Variants in SEPHS1 observed in about 807,000 individuals in gnomAD.
SEPHS1 encodes the protein selenophosphate synthetase 1, also known as zincore component SEPHS1.
SEPHS1 carries 7 observed loss-of-function variants against 39.2 expected under a neutral mutation model. That is an observed-to-expected ratio of 0.18 (90% confidence interval 0.10 to 0.34). The LOEUF is 0.34. Ranked by LOEUF, SEPHS1 falls within the 10% of genes least tolerant of loss-of-function variation. The pLI, the probability that SEPHS1 is intolerant of heterozygous loss-of-function variation, is 1.00. For missense variants in SEPHS1, 253 were observed against 514.5 expected (o/e 0.49, Z 4.92); for synonymous variants, 190 against 195.5 (o/e 0.97, Z 0.23).
At chr10:13,347,892 G>A (rs1485119573) in intron 1 of SEPHS1, 108 bp downstream of exon 1, 3 of 145,900 alleles carry the variant, frequency 2.1e-5, no homozygotes, top group Non-Finnish European at 4.6e-5. Context: ...CGGCTCCCCG[G>A]CGGTCCCGGG....
At chr10:13,336,107 TG>T (rs1588543914) in intron 4 of SEPHS1, 135 bp downstream of exon 4, 1 of 547,008 alleles carries the variant, frequency 1.8e-6, no homozygotes. Context: ...TGCCAAAAAG[TG>T]GAGAGCCAGA....
At chr10:13,346,206 C>T (rs1833916999) in intron 1 of SEPHS1, among the ~76,000 whole-genome samples, 1 of 152,224 alleles carries the variant, frequency 6.6e-6, no homozygotes, top group African/African-American at 2.4e-5. Context: ...AGCACTCCTA[C>T]GTTTTTTAGC....
Position 13,319,183 on chromosome 10 carries a change from C to A in SEPHS1, c.1138G>T (p.Ala380Ser), listed in dbSNP as rs1387669773. 2 of 1,613,440 alleles carry A rather than the reference C, an allele frequency of 1.2e-6. No homozygotes were observed. Among genetic ancestry groups the A allele is most frequent in the Admixed American group, 3.3e-5 (2 of 59,876 alleles). ...GGTGTGGGATTCACATTTTGAGTGG[C>A]CACTTGTGGTGCGACCTCGATGATC... ...PRIIEVAPQV[A>S]TQNVNPTPGA... Residue 380 changes from alanine (A) to serine (S), a missense_variant, in exon 9 of 9, where the codon GCC becomes TCC. Ala to Ser is a moderately conservative substitution (Grantham distance 99). This residue lies in a region of SEPHS1 where 19 missense variants were observed against 26.1 expected (regional missense o/e 0.73). Transcript: ENST00000327347.
At chr10:13,320,004 T>A (rs185561727) in intron 8 of SEPHS1, among the ~76,000 whole-genome samples, 1 of 152,304 alleles carries the variant, frequency 6.6e-6, no homozygotes. Context: ...ATTCTCTACA[T>A]CGACTCTCTC....
At chr10:13,331,505 C>G (rs746417885) in intron 5 of SEPHS1, among the ~76,000 whole-genome samples, 1 of 152,136 alleles carries the variant, frequency 6.6e-6, no homozygotes, top group Non-Finnish European at 1.5e-5. Context: ...CCTCAGTCTC[C>G]TGAGTAGCTG....
chr10:13,335,130 G>A (rs1437682210), intron 4 of SEPHS1, among the ~76,000 whole-genome samples: 1 of 152,222 alleles, frequency 6.6e-6, no homozygotes, highest in Non-Finnish European at 1.5e-5. Flanking sequence ...ACAAGTACCT[G>A]TCTATCTAAA....
In SEPHS1 at chr10:13,348,254, C is replaced by T. The variant is rs1475814701; in HGVS notation, c.-333G>A. 1 of 149,702 alleles carries T rather than the reference C, an allele frequency of 6.7e-6. No individual in the cohort carries two copies. The highest frequency in any genetic ancestry group is 2.4e-5 in the African/African-American group (1 of 40,908). 9.3% of individuals were successfully genotyped at this position (149,702 alleles called of 1,614,324 possible). ...GGGGGTCCTTTAAGGCCGGCCACCT[C>T]CCTTTAAGAGGCGGCCCTGGCTGCT... On this transcript the variant is annotated 5_prime_UTR_variant, in exon 1 of 9. Transcript: ENST00000327347.
chr10:13,323,403 G>A (rs964569799), intron 7 of SEPHS1, among the ~76,000 whole-genome samples: 3 of 152,068 alleles, frequency 2.0e-5, no homozygotes, highest in African/African-American at 7.2e-5. Context: ...CATCCAGGCT[G>A]GGGTGCAGTC....
rs1833473582 is a variant in SEPHS1, at chr10:13,331,620, T to A, written c.561-1832A>T. On this transcript the variant is annotated intron_variant, in intron 5 of 8. Coordinates refer to ENST00000327347, the MANE Select transcript of SEPHS1 (RefSeq NM_012247.5). ...GTGGTCTTGAACTCCTGACCTCAGA[T>A]GATCCACCCGTCTTGGCTTCCCAAA... Among the ~76,000 whole-genome samples the A allele has an allele frequency of 2.6e-5, 4 of 152,186 alleles. No homozygotes were observed. In the South Asian group the frequency reaches 8.3e-4, roughly 31 times the overall value.
At chr10:13,319,444 TCAA>T in intron 8 of SEPHS1, 88 bp from the exon 9 acceptor site, 1 of 1,377,158 alleles carries the variant, frequency 7.3e-7, no homozygotes, top group Non-Finnish European at 1.0e-6. Flanking sequence ...CCAACTTCCA[TCAA>T]CAACTTGCTG....
chr10:13,338,467 A>G (rs1485507916), intron 3 of SEPHS1, among the ~76,000 whole-genome samples: 2 of 152,242 alleles, frequency 1.3e-5, no homozygotes, highest in Admixed American at 6.5e-5. Flanking sequence ...ACTCAGTTGC[A>G]ACAGCAGCAG....
chr10:13,336,199 C>T (rs763967212), intron 4 of SEPHS1, 44 bp downstream of exon 4: 23 of 1,388,354 alleles, frequency 1.7e-5, no homozygotes, highest in South Asian at 4.7e-5. Flanking sequence ...GAGATGCCAC[C>T]GGGACAACAC....
At position 13,344,822 on chromosome 10, in the gene SEPHS1, T is replaced by C; in HGVS notation, c.129A>G (p.Glu43=). The change falls in exon 2 of 9, where the codon GAA becomes GAG. Residue 43 remains glutamate (E), a synonymous_variant. Coordinates refer to ENST00000327347, the MANE Select transcript of SEPHS1 (RefSeq NM_012247.5). The stretch of plus-strand genomic sequence containing the variant: ...CTTGGAAGTGGTTCTCCTGTAAAGA[T>C]TCCAGCAATTTTTGCAGGACATCTT... ...VPQDVLQKLL[E]SLQENHFQED... The C allele has an allele frequency of 6.2e-7, 1 of 1,604,640 alleles. No individual in the cohort carries two copies. Among genetic ancestry groups the C allele is most frequent in the Non-Finnish European group, 8.5e-7 (1 of 1,175,016 alleles).
intron 5 of SEPHS1, 26 bp downstream of exon 5, chr10:13,333,791 G>A: frequency 1.2e-6 from 2 of 1,610,344 alleles, no homozygotes; most frequent in African/African-American, 1.3e-5. Context: ...AACAGGTCAG[G>A]TGATATGAAA....
chr10:13,328,230 G>T, intron 7 of SEPHS1, 121 bp downstream of exon 7: 1 of 663,374 alleles, frequency 1.5e-6, no homozygotes, highest in South Asian at 1.9e-5. Flanking sequence ...AGGAGAAGAC[G>T]GTCTGTAGTC....
intron 7 of SEPHS1, among the ~76,000 whole-genome samples, chr10:13,325,526 C>A (rs934856297): frequency 1.3e-5 from 2 of 152,152 alleles, no homozygotes; most frequent in Non-Finnish European, 2.9e-5. Flanking sequence ...AACCTAGGTG[C>A]CTGTTTCCCC....
chr10:13,319,395 T>C, intron 8 of SEPHS1, 39 bp from the exon 9 acceptor site: 5 of 1,599,774 alleles, frequency 3.1e-6, no homozygotes, highest in South Asian at 1.1e-5. Flanking sequence ...AGTGTTGACA[T>C]GACAGCAGCT....
chr10:13,347,810 T>A (rs1239851700), intron 1 of SEPHS1, among the ~76,000 whole-genome samples, 190 bp downstream of exon 1: 1 of 130,730 alleles, frequency 7.6e-6, no homozygotes, highest in Non-Finnish European at 1.6e-5. Flanking sequence ...GGGCGGCGCT[T>A]CTTTTTTAAA....
At chr10:13,334,108 T>C (rs1588542020) in intron 4 of SEPHS1, 137 bp from the exon 5 acceptor site, 1 of 752,140 alleles carries the variant, frequency 1.3e-6, no homozygotes, top group Admixed American at 2.9e-5. Flanking sequence ...ACAGGGAAGG[T>C]TGTTAGGGGC....
Sources: allele counts gnomAD v4.1 joint callset (sites outside exome capture counted in the v4.1 genomes callset), GRCh38; gene constraint gnomAD v4.1.1; regional missense constraint gnomAD v4.1.1; transcripts MANE v1.5; gene names NCBI Gene and HGNC (gene_info 2026-07-23, HGNC 2026-07-21).